The following SENP7 variants were observed in gnomAD, a reference collection of about 807,000 sequenced individuals.
SENP7 encodes the protein SUMO specific peptidase 7.
Under a neutral mutation model 141.2 loss-of-function variants are expected in SENP7, and 64 were observed. That is an observed-to-expected ratio of 0.45 (90% CI 0.37 to 0.56). SENP7 has a LOEUF of 0.56. SENP7 is among the 20% of genes least tolerant of loss of function. SENP7 has a pLI of 0.00. For missense variants in SENP7, 1,025 were observed against 1,212.2 expected (o/e 0.85, Z 2.29); for synonymous variants, 382 against 426.4 (o/e 0.90, Z 1.28).
chr3:101,458,922 G>T, intron 4 of SENP7, 33 bp downstream of exon 4: 1 of 1,270,036 alleles, frequency 7.9e-7, no homozygotes, highest in South Asian at 1.3e-5. Flanking sequence ...TATAGGTTAA[G>T]CCCATACTAT....
chr3:101,441,645 C>T lies in SENP7; in HGVS notation c.284+17310G>A, dbSNP rs1047120100. On this transcript the variant is annotated intron_variant, in intron 4 of 23. Coordinates refer to ENST00000394095, the MANE Select transcript of SENP7 (RefSeq NM_020654.5). ...TGTCACCTACCTCGGCCACAGCTGG[C>T]ACCAAACATGCTGACCAGGGACCCA... Among the ~76,000 whole-genome samples the T allele has an allele frequency of 1.6e-4, 25 of 152,146 alleles. 1 individual carries two copies. Among genetic ancestry groups the T allele is most frequent in the Admixed American group, 6.5e-4 (10 of 15,274 alleles).
rs2059510354 is a variant in SENP7 at position 101,347,909 on chromosome 3, A to C, written c.1800T>G (p.Ile600Met). ...ATACAGAGTGTTCTAATTGGGTCTG[A>C]ATCTCTTGAAGATAATCTGAAGAGA... ...FWVSSDYLQEIQTQLEHSVLS... is the reference protein window; with the variant it reads ...FWVSSDYLQEMQTQLEHSVLS... Residue 600 changes from isoleucine to methionine, a missense_variant, in exon 13 of 24, where the codon ATT becomes ATG. Physicochemically the swap from Ile to Met is conservative, Grantham distance 10 (BLOSUM62 1). Transcript: ENST00000394095. 1 of 1,600,714 alleles carries C rather than the reference A, an allele frequency of 6.2e-7. No individual in the cohort carries two copies. The highest frequency in any genetic ancestry group is 1.1e-5 in the South Asian group (1 of 89,112).
rs556793301 is a variant in SENP7, at chr3:101,380,434, C to T, written c.678-8308G>A. Among the ~76,000 whole-genome samples, 11 of 22,880 alleles carry T rather than the reference C, an allele frequency of 4.8e-4. 1 individual carries two copies. The highest frequency in any genetic ancestry group is 2.3e-3 in the South Asian group (1 of 430). 15.0% of individuals were successfully genotyped at this position (22,880 alleles called of 152,430 possible). On this transcript the variant is annotated intron_variant, in intron 6 of 23. Coordinates refer to ENST00000394095, the MANE Select transcript of SENP7 (RefSeq NM_020654.5). ...TCTTCTAGAACGTAAAGCAAACCACCGCCCCCCCCCCCACACACACACACA... is the reference window on the plus strand; with the variant it reads ...TCTTCTAGAACGTAAAGCAAACCACTGCCCCCCCCCCCACACACACACACA...
intron 4 of SENP7, among the ~76,000 whole-genome samples, chr3:101,451,468 G>C (rs2063131919): frequency 6.6e-6 from 1 of 152,064 alleles, no homozygotes; most frequent in African/African-American, 2.4e-5. Context: ...ATCCTCAATA[G>C]AACACTGGCA....
rs558659793 is a variant in SENP7 at position 101,450,597 on chromosome 3, C to G, written c.284+8358G>C. On this transcript the variant is annotated intron_variant, in intron 4 of 23. Coordinates refer to ENST00000394095, the MANE Select transcript of SENP7 (RefSeq NM_020654.5). The stretch of plus-strand genomic sequence containing the variant: ...CTCAACTACATGGAAACTGAACAAC[C>G]TAGTCCTGAATGACTACTGGGTACA... Among the ~76,000 whole-genome samples the G allele has an allele frequency of 3.3e-5, 5 of 152,298 alleles. No homozygotes were observed. In the East Asian group the frequency reaches 9.6e-4, roughly 29 times the overall value.
chr3:101,327,840 T>C (rs1340597845), intron 22 of SENP7, 24 bp from the exon 23 acceptor site: 1 of 1,533,766 alleles, frequency 6.5e-7, no homozygotes, highest in Non-Finnish European at 8.9e-7. Flanking sequence ...CAAATAAGAG[T>C]GACTAAAGTA....
intron 6 of SENP7, among the ~76,000 whole-genome samples, chr3:101,380,445 C>CCAACA (rs1553707807): frequency 7.8e-6 from 1 of 128,826 alleles, no homozygotes; most frequent in African/African-American, 2.8e-5. Context: ...GCCCCCCCCC[C>CCAACA]CACACACACA....
At chr3:101,329,953 A>G (rs2059005679) in intron 20 of SENP7, among the ~76,000 whole-genome samples, 2 of 150,600 alleles carry the variant, frequency 1.3e-5, no homozygotes, top group Admixed American at 1.3e-4. Flanking sequence ...ACCCCATCAC[A>G]AAGAAAAAAA....
chr3:101,363,208 A>G, intron 10 of SENP7: 2 of 700,704 alleles, frequency 2.9e-6, no homozygotes, highest in Non-Finnish European at 3.5e-6. Flanking sequence ...CCCTAAGTAA[A>G]AAAGGGAATC....
At chr3:101,507,060 CAAAAAAAAAA>C (rs11315312) in intron 1 of SENP7, among the ~76,000 whole-genome samples, 35 of 89,050 alleles carry the variant, frequency 3.9e-4, no homozygotes, top group African/African-American at 1.8e-4. Flanking sequence ...GATCCCATCT[CAAAAAAAAAA>C]AAAAAAAAAG....
chr3:101,480,835 T>C (rs2064440312), intron 3 of SENP7, among the ~76,000 whole-genome samples: 1 of 151,640 alleles, frequency 6.6e-6, no homozygotes, highest in Non-Finnish European at 1.5e-5. Context: ...AGACATTTCT[T>C]AAAAGACATA....
At chr3:101,331,501 T>G (rs951972739) in intron 19 of SENP7, among the ~76,000 whole-genome samples, 5 of 148,388 alleles carry the variant, frequency 3.4e-5, no homozygotes, top group Non-Finnish European at 5.9e-5. Context: ...TTGTACATAG[T>G]AAATACATGC....
intron 6 of SENP7, among the ~76,000 whole-genome samples, chr3:101,398,276 G>A (rs553772645): frequency 3.4e-4 from 51 of 152,224 alleles, no homozygotes; most frequent in African/African-American, 1.2e-3. Flanking sequence ...TGGCTAACAC[G>A]GTGAAACCCT....
intron 6 of SENP7, among the ~76,000 whole-genome samples, chr3:101,374,771 C>CAAA (rs58234121): frequency 1.9e-5 from 2 of 106,712 alleles, no homozygotes; most frequent in Non-Finnish European, 1.9e-5. Flanking sequence ...GGCTCTGTCT[C>CAAA]AAAAAAAAAA....
At chr3:101,340,266 A>G in intron 15 of SENP7, 55 bp from the exon 16 acceptor site, 1 of 1,511,910 alleles carries the variant, frequency 6.6e-7, no homozygotes. Context: ...CTATTATCTA[A>G]GAGATTTCTT....
rs1341149235 is a variant in SENP7 at position 101,443,541 on chromosome 3, G to A, written c.284+15414C>T. 1.6e-3 allele frequency among the ~76,000 whole-genome samples: 248 copies of A among 151,638 alleles called. 1 individual carries two copies. Among genetic ancestry groups the A allele is most frequent in the African/African-American group, 5.5e-3 (228 of 41,292 alleles). ...ATTGAATCTATAAATTACCTTGGGCGGTATGGTCATTTTCACGATATTGAT... is the reference window on the plus strand; with the variant it reads ...ATTGAATCTATAAATTACCTTGGGCAGTATGGTCATTTTCACGATATTGAT... On this transcript the variant is annotated intron_variant, in intron 4 of 23. Transcript: ENST00000394095.
intron 23 of SENP7, among the ~76,000 whole-genome samples, 197 bp from the exon 24 acceptor site, chr3:101,326,277 G>A (rs1559670587): frequency 6.6e-6 from 1 of 151,912 alleles, no homozygotes; most frequent in South Asian, 2.1e-4. Flanking sequence ...AAATCCATCT[G>A]GAAAGGGTAT....
At chr3:101,388,383 G>A (rs948310788) in intron 6 of SENP7, among the ~76,000 whole-genome samples, 4 of 152,168 alleles carry the variant, frequency 2.6e-5, no homozygotes, top group Non-Finnish European at 5.9e-5. Context: ...CACCACTGAC[G>A]TTGATTATAG....
chr3:101,362,693 G>A (rs143914119), intron 10 of SENP7, among the ~76,000 whole-genome samples: 6 of 152,138 alleles, frequency 3.9e-5, no homozygotes, highest in South Asian at 2.1e-4. Flanking sequence ...TTAATATGCC[G>A]TGAAGGAATG....
Sources: allele counts gnomAD v4.1 joint callset (sites outside exome capture counted in the v4.1 genomes callset), GRCh38; gene constraint gnomAD v4.1.1; transcripts MANE v1.5; gene names NCBI Gene and HGNC (gene_info 2026-07-23, HGNC 2026-07-21).